ARHGAP26: variants seen among roughly 807,000 people sequenced by gnomAD.
ARHGAP26 encodes the protein Rho GTPase activating protein 26.
Under a neutral mutation model 104.8 loss-of-function variants are expected in ARHGAP26, and 38 were observed. The observed-to-expected ratio is 0.36, with a 90% CI of 0.28 to 0.48. The LOEUF (loss-of-function observed/expected upper bound fraction) is 0.48, where lower values mean the gene tolerates loss of function less well. ARHGAP26 is among the 20% of genes least tolerant of loss of function. The pLI is 0.99. For missense variants in ARHGAP26, 704 were observed against 947.9 expected (o/e 0.74, Z 3.38); for synonymous variants, 341 against 340.0 (o/e 1.00, Z -0.03).
In ARHGAP26 at chr5:142,945,950, A is replaced by C. The variant is rs150576434; in HGVS notation, c.1107+13825A>C. ...ATCTCCTCAGTCTCATTTAACCTGG[A>C]ACAGTTAGAGGCTTGGCTTTTTAAA... On this transcript the variant is annotated intron_variant, in intron 11 of 22. Transcript: ENST00000645722. Among the ~76,000 whole-genome samples, 296 of 152,270 alleles carry C rather than the reference A, an allele frequency of 1.9e-3. 3 individuals are homozygous for C. Among genetic ancestry groups the C allele is most frequent in the African/African-American group, 7.0e-3 (291 of 41,548 alleles).
intron 4 of ARHGAP26, among the ~76,000 whole-genome samples, chr5:142,882,569 T>G (rs1757155414): frequency 6.6e-6 from 1 of 152,184 alleles, no homozygotes; most frequent in Non-Finnish European, 1.5e-5. Context: ...CCAATTGTAG[T>G]AGGTTCTTGG....
intron 1 of ARHGAP26, among the ~76,000 whole-genome samples, chr5:142,841,465 C>T (rs979114791): frequency 1.3e-5 from 2 of 152,208 alleles, no homozygotes; most frequent in African/African-American, 4.8e-5. Flanking sequence ...GAGGATGCAG[C>T]GGTTCCTGCA....
At chr5:143,154,116 C>T (rs1422379581) in intron 20 of ARHGAP26, among the ~76,000 whole-genome samples, 6 of 148,958 alleles carry the variant, frequency 4.0e-5, no homozygotes, top group African/African-American at 1.5e-4. Flanking sequence ...TACTGTGGGC[C>T]TGGTGGTGGT....
chr5:142,853,559 C>G (rs1053226657), intron 1 of ARHGAP26, among the ~76,000 whole-genome samples: 1 of 152,184 alleles, frequency 6.6e-6, no homozygotes, highest in Admixed American at 6.5e-5. Context: ...CTATCACTTA[C>G]TGGCAATTTT....
intron 1 of ARHGAP26, among the ~76,000 whole-genome samples, chr5:142,863,108 T>G (rs903987459): frequency 1.3e-5 from 2 of 148,368 alleles, no homozygotes; most frequent in African/African-American, 4.9e-5. Flanking sequence ...CAAGTGAGGT[T>G]TTTTTTTTTT....
At chr5:142,885,199 T>A (rs1275556564) in intron 4 of ARHGAP26, 99 bp from the exon 5 acceptor site, 3 of 944,728 alleles carry the variant, frequency 3.2e-6, no homozygotes, top group Non-Finnish European at 5.0e-6. Context: ...AGCTGAGTCG[T>A]CATCTGTGTT....
At chr5:142,855,695 T>C (rs1448080580) in intron 1 of ARHGAP26, among the ~76,000 whole-genome samples, 1 of 152,238 alleles carries the variant, frequency 6.6e-6, no homozygotes, top group Non-Finnish European at 1.5e-5. Flanking sequence ...CAGGCACTGT[T>C]CTCGGCCCTG....
At chr5:143,034,121 A>G (rs1272437163) in intron 12 of ARHGAP26, among the ~76,000 whole-genome samples, 2 of 152,226 alleles carry the variant, frequency 1.3e-5, no homozygotes, top group African/African-American at 4.8e-5. Flanking sequence ...GGATTAGGAG[A>G]AATTGGAACC....
At chr5:142,997,548 A>G (rs999697250) in intron 11 of ARHGAP26, among the ~76,000 whole-genome samples, 1 of 149,476 alleles carries the variant, frequency 6.7e-6, no homozygotes, top group Non-Finnish European at 1.5e-5. Flanking sequence ...AGCTGGGACT[A>G]CAGGTGCATG....
At chr5:143,162,563 T>G (rs1297828491) in intron 20 of ARHGAP26, among the ~76,000 whole-genome samples, 1 of 152,176 alleles carries the variant, frequency 6.6e-6, no homozygotes, top group Non-Finnish European at 1.5e-5. Flanking sequence ...AGACTCTGCA[T>G]TATCCCAAGA....
rs144097046 is a variant in ARHGAP26, at chr5:143,002,011, A to G, written c.1108-12069A>G. 1.2e-3 allele frequency among the ~76,000 whole-genome samples: 187 copies of G among 152,262 alleles called. 8 individuals carry two copies. The East Asian group carries it at 0.029, about 24-fold the overall frequency. ...TTTCCCTGTGTCTGTGTTGGATAAC[A>G]TAACATTCACCTTCTGCCTCTCCAA... On this transcript the variant is annotated intron_variant, in intron 11 of 22. Transcript: ENST00000645722.
intron 5 of ARHGAP26, 52 bp from the exon 6 acceptor site, chr5:142,894,186 C>A: frequency 6.7e-7 from 1 of 1,489,198 alleles, no homozygotes; most frequent in Non-Finnish European, 9.3e-7. Flanking sequence ...TTTCGGAATG[C>A]TATCCTTGGG....
At chr5:143,128,922 A>G (rs1422889606) in intron 18 of ARHGAP26, among the ~76,000 whole-genome samples, 2 of 152,190 alleles carry the variant, frequency 1.3e-5, no homozygotes, top group Non-Finnish European at 2.9e-5. Context: ...CTCCCATAAA[A>G]ATCACAGCAC....
chr5:143,124,966 T>C (rs1324725942), intron 18 of ARHGAP26, among the ~76,000 whole-genome samples: 2 of 152,192 alleles, frequency 1.3e-5, no homozygotes, highest in African/African-American at 2.4e-5. Context: ...CCTCTCTGCA[T>C]TGCCATTTTT....
chr5:142,821,697 G>A (rs1472679658), intron 1 of ARHGAP26, among the ~76,000 whole-genome samples: 1 of 152,144 alleles, frequency 6.6e-6, no homozygotes, highest in South Asian at 2.1e-4. Flanking sequence ...TAAAATTTGA[G>A]AAACACTTGG....
chr5:143,044,327 G>C (rs547295239), intron 14 of ARHGAP26, among the ~76,000 whole-genome samples: 1 of 152,134 alleles, frequency 6.6e-6, no homozygotes, highest in South Asian at 2.1e-4. Flanking sequence ...CATGTTCTCT[G>C]ACCTCTTCTG....
intron 1 of ARHGAP26, among the ~76,000 whole-genome samples, chr5:142,784,075 A>G (rs779324977): frequency 1.3e-5 from 2 of 152,288 alleles, no homozygotes; most frequent in Non-Finnish European, 1.5e-5. Context: ...GACTTGCCAC[A>G]ATCTGCCGGC....
At chr5:142,978,141 G>T (rs745967655) in intron 11 of ARHGAP26, among the ~76,000 whole-genome samples, 1 of 152,138 alleles carries the variant, frequency 6.6e-6, no homozygotes, top group Middle Eastern at 3.2e-3. Flanking sequence ...TTTAATTGGC[G>T]TGGGGTCGGA....
At position 143,216,924 on chromosome 5, in the gene ARHGAP26, C is replaced by G. The variant is rs146903334; in HGVS notation, c.2191+2836C>G. 2.8e-4 allele frequency among the ~76,000 whole-genome samples: 42 copies of G among 152,294 alleles called. 3 individuals carry two copies. The East Asian group carries it at 8.1e-3, about 29-fold the overall frequency. On this transcript the variant is annotated intron_variant, in intron 22 of 22. Transcript: ENST00000645722. ...TGCTTACACAGACCCTCTTCCTCCCCACTCCTTCACCTCTACAGGAGAAAA... is the reference window on the plus strand; with the variant it reads ...TGCTTACACAGACCCTCTTCCTCCCGACTCCTTCACCTCTACAGGAGAAAA...
Sources: allele counts gnomAD v4.1 joint callset (sites outside exome capture counted in the v4.1 genomes callset), GRCh38; gene constraint gnomAD v4.1.1; transcripts MANE v1.5; gene names NCBI Gene and HGNC (gene_info 2026-07-23, HGNC 2026-07-21).